The following HK1 variants were observed in gnomAD, a reference collection of about 807,000 sequenced individuals.
HK1 encodes the protein hexokinase 1.
Under a neutral mutation model 91.6 loss-of-function variants are expected in HK1, and 28 were observed. That is an observed-to-expected ratio of 0.31 (90% CI 0.23 to 0.42). HK1 has a LOEUF of 0.42. Among genes scored for constraint, HK1 ranks in the 10% least tolerant of loss-of-function variants. The pLI, the probability that HK1 is intolerant of heterozygous loss-of-function variation, is 1.00. For synonymous variants in HK1, 430 were observed against 468.1 expected, an observed-to-expected ratio of 0.92 and a Z score of 1.05; for missense variants, 770 against 1,219.8, an observed-to-expected ratio of 0.63 and a Z score of 5.49.
intron 1 of HK1, among the ~76,000 whole-genome samples, chr10:69,340,308 G>T (rs374245325): frequency 6.6e-6 from 1 of 152,168 alleles, no homozygotes; most frequent in Admixed American, 6.5e-5. Flanking sequence ...GTGCGATGGC[G>T]CGATCTTGGC....
upstream of HK1, chr10:69,318,144 G>T (rs866453587): frequency 2.0e-6 from 2 of 985,350 alleles, no homozygotes; most frequent in Middle Eastern, 5.2e-4. Context: ...GTGCTCTGGG[G>T]TGTCGCTTTG....
At chr10:69,393,274 A>G (rs1371346214) in intron 15 of HK1, among the ~76,000 whole-genome samples, 1 of 150,294 alleles carries the variant, frequency 6.7e-6, no homozygotes, top group Non-Finnish European at 1.5e-5. Context: ...AGCCACCGCA[A>G]CCAGCCCTTA....
chr10:69,318,065 T>C, upstream of HK1: 1 of 985,400 alleles, frequency 1.0e-6, no homozygotes, highest in African/African-American at 1.7e-5. Context: ...CCACGACCTG[T>C]GGCCCAAGTC....
intron 1 of HK1, 91 bp downstream of exon 1, chr10:69,319,101 C>A: frequency 6.9e-7 from 1 of 1,444,496 alleles, no homozygotes; most frequent in Non-Finnish European, 9.5e-7. Context: ...TCCTCCGGCG[C>A]CCGGCCTTCT....
Position 69,401,426 on chromosome 10 carries a change from A to T in HK1, c.*291A>T. ...AGTGGCATCCATTTCTAATGTATGC[A>T]TTCATCCAACAGAGTTATTTATTGG... On this transcript the variant is annotated 3_prime_UTR_variant, in exon 18 of 18. Coordinates refer to ENST00000359426, the MANE Select transcript of HK1 (RefSeq NM_000188.3). 1 of 509,834 alleles carries T rather than the reference A, an allele frequency of 2.0e-6. No individual in the cohort carries two copies. Among genetic ancestry groups the T allele is most frequent in the South Asian group, 2.0e-5 (1 of 49,214 alleles). 31.6% of individuals were successfully genotyped at this position (509,834 alleles called of 1,614,324 possible).
At chr10:69,331,893 T>TAAA (rs1564518465) in intron 1 of HK1, among the ~76,000 whole-genome samples, 2 of 145,898 alleles carry the variant, frequency 1.4e-5, no homozygotes, top group Non-Finnish European at 1.5e-5. Context: ...AAAAAAAAAT[T>TAAA]TTTTTTCTGA....
upstream of HK1, among the ~76,000 whole-genome samples, chr10:69,315,084 G>A (rs1846567599): frequency 6.6e-6 from 1 of 152,198 alleles, no homozygotes; most frequent in Non-Finnish European, 1.5e-5. Context: ...AAACACCCAA[G>A]CTCTATAACC....
chr10:69,369,545 G>A lies in HK1; in HGVS notation c.796G>A (p.Asp266Asn), dbSNP rs1322472709. Reference sequence around the variant, plus strand: ...CAATACAGAATGGGGAGCCTTTGGAGACGATGGATCATTAGAAGACATCCG... The same window carrying A: ...CAATACAGAATGGGGAGCCTTTGGAAACGATGGATCATTAGAAGACATCCG... ...CINTEWGAFGDDGSLEDIRTE... is the reference protein window; with the variant it reads ...CINTEWGAFGNDGSLEDIRTE... The change falls in exon 7 of 18, where the codon GAC (aspartate) becomes AAC (asparagine). Residue 266 changes from aspartate to asparagine, a missense_variant. Asp to Asn is a conservative substitution (Grantham distance 23). This residue lies in a region of HK1 where 449 missense variants were observed against 665.1 expected (regional missense o/e 0.68). Transcript: ENST00000359426. The surrounding 1 kb of genome is among the most constrained non-coding windows in gnomAD (Gnocchi z 4.4). 1 of 1,614,104 alleles carries A rather than the reference G, an allele frequency of 6.2e-7. No individual in the cohort carries two copies. The highest frequency in any genetic ancestry group is 2.2e-5 in the East Asian group (1 of 44,900).
In HK1 at chr10:69,377,048, C is replaced by T; in HGVS notation, c.990C>T (p.Thr330=). 6.2e-7 allele frequency: 1 copy of T among 1,614,068 alleles called. No homozygotes were observed. Residue 330 remains threonine (T), a synonymous_variant, in exon 8 of 18, where the codon ACC becomes ACT. Transcript: ENST00000359426. ...FEGRITPELL[T]RGKFNTSDVS... ...GGCGGATCACCCCGGAGCTGCTCACCCGAGGGAAGTTTAACACCAGTGATG... is the reference window on the plus strand; with the variant it reads ...GGCGGATCACCCCGGAGCTGCTCACTCGAGGGAAGTTTAACACCAGTGATG...
At chr10:69,390,688 A>G (rs1839859089) in intron 14 of HK1, among the ~76,000 whole-genome samples, 1 of 152,160 alleles carries the variant, frequency 6.6e-6, no homozygotes, top group Non-Finnish European at 1.5e-5. Flanking sequence ...TCCCGATGAA[A>G]GTTCACCTAC....
chr10:69,308,070 C>T (rs760060709), intron 5 of HK1, among the ~76,000 whole-genome samples: 1 of 152,116 alleles, frequency 6.6e-6, no homozygotes, highest in Admixed American at 6.6e-5. Flanking sequence ...AACTCCTGAC[C>T]TCAAGTGATC....
intron 5 of HK1, among the ~76,000 whole-genome samples, chr10:69,306,811 T>C (rs1846129551): frequency 6.6e-6 from 1 of 152,164 alleles, no homozygotes; most frequent in African/African-American, 2.4e-5. Flanking sequence ...CCTGGGAAGA[T>C]ATGTGGCCTA....
chr10:69,304,138 C>T (rs1470908535), intron 5 of HK1, among the ~76,000 whole-genome samples: 2 of 152,162 alleles, frequency 1.3e-5, no homozygotes, highest in Admixed American at 1.3e-4. Flanking sequence ...TTGTAGCCTC[C>T]AGCTGCATGA....
intron 1 of HK1, among the ~76,000 whole-genome samples, chr10:69,328,655 A>T (rs1589492365): frequency 6.6e-6 from 1 of 152,188 alleles, no homozygotes; most frequent in Non-Finnish European, 1.5e-5. Context: ...GTTATAATTC[A>T]CCTACCATGA....
intron 4 of HK1, among the ~76,000 whole-genome samples, chr10:69,365,239 G>A (rs1443492253): frequency 6.6e-5 from 10 of 152,118 alleles, no homozygotes; most frequent in African/African-American, 2.4e-4. Flanking sequence ...ATTGCATGGT[G>A]TGATGTTTAC....
At chr10:69,344,121 A>G (rs1848432380) in intron 2 of HK1, 132 bp downstream of exon 2, 5 of 896,942 alleles carry the variant, frequency 5.6e-6, no homozygotes, top group South Asian at 2.8e-5. Context: ...CCATCCATCC[A>G]TCCATCCATC....
At chr10:69,328,148 C>A (rs570369233) in intron 1 of HK1, among the ~76,000 whole-genome samples, 51 of 152,344 alleles carry the variant, frequency 3.3e-4, no homozygotes, top group African/African-American at 4.3e-4. Context: ...CTCAAGCCAG[C>A]AGCCTCTCAG....
intron 1 of HK1, chr10:69,271,012 A>G (rs1424663350): frequency 6.6e-6 from 1 of 152,234 alleles, no homozygotes; most frequent in East Asian, 1.9e-4. Flanking sequence ...CACAGAAGAT[A>G]CTCTATAAAT....
intron 2 of HK1, among the ~76,000 whole-genome samples, chr10:69,287,348 G>GC (rs1274230256): frequency 1.3e-5 from 2 of 152,132 alleles, no homozygotes; most frequent in Non-Finnish European, 2.9e-5. Flanking sequence ...GAACAGCAGG[G>GC]GGGGAACCGC....
Sources: allele counts gnomAD v4.1 joint callset (sites outside exome capture counted in the v4.1 genomes callset), GRCh38; gene constraint gnomAD v4.1.1; regional missense constraint gnomAD v4.1.1; non-coding constraint Gnocchi (gnomAD v3.1); transcripts MANE v1.5; gene names NCBI Gene and HGNC (gene_info 2026-07-23, HGNC 2026-07-21).